The following ESRRG variants were observed in gnomAD, a reference collection of about 807,000 sequenced individuals.
ESRRG encodes estrogen-related receptor gamma.
Under a neutral mutation model 44.0 loss-of-function variants are expected in ESRRG, and 13 were observed. The observed-to-expected ratio is 0.30, with a 90% CI of 0.19 to 0.47. ESRRG has a LOEUF of 0.47. Ranked by LOEUF, ESRRG falls within the 20% of genes least tolerant of loss-of-function variation. ESRRG has a pLI of 1.00. For synonymous variants in ESRRG, 215 were observed against 214.6 expected (o/e 1.00, Z -0.02); for missense variants, 395 against 580.6 (o/e 0.68, Z 3.29).
chr1:216,768,639 G>A (rs559089838), intron 2 of ESRRG, among the ~76,000 whole-genome samples: 3 of 152,114 alleles, frequency 2.0e-5, no homozygotes, highest in East Asian at 1.9e-4. Flanking sequence ...ACTGGCATGC[G>A]CCACCACATC....
At chr1:216,825,999 G>T (rs957920893) in intron 2 of ESRRG, among the ~76,000 whole-genome samples, 1 of 152,084 alleles carries the variant, frequency 6.6e-6, no homozygotes, top group Admixed American at 6.6e-5. Context: ...GCATCAAGTT[G>T]GGAGTACAAA....
At chr1:216,997,521 C>T (rs528274505) in intron 1 of ESRRG, among the ~76,000 whole-genome samples, 1 of 152,174 alleles carries the variant, frequency 6.6e-6, no homozygotes, top group East Asian at 1.9e-4. Context: ...AGTCCCCAAC[C>T]TTTGATGTTT....
intron 1 of ESRRG, among the ~76,000 whole-genome samples, chr1:217,085,828 G>A (rs185441142): frequency 9.7e-4 from 147 of 151,990 alleles, no homozygotes; most frequent in African/African-American, 3.2e-3. Flanking sequence ...AGCACCACAC[G>A]CTCATCCACT....
chr1:217,038,502 C>T (rs1358536399), intron 1 of ESRRG, among the ~76,000 whole-genome samples: 1 of 152,194 alleles, frequency 6.6e-6, no homozygotes, highest in South Asian at 2.1e-4. Context: ...AATTGTAATC[C>T]TCATGGAACC....
chr1:216,721,144 C>T (rs536155877), intron 1 of ESRRG, among the ~76,000 whole-genome samples: 1 of 152,300 alleles, frequency 6.6e-6, no homozygotes, highest in East Asian at 1.9e-4. Flanking sequence ...TGTGCTGGCA[C>T]ATTTCCTAAA....
Position 217,011,373 on chromosome 1 carries a change from C to A in ESRRG, c.-105-71700G>T, listed in dbSNP as rs75451400. Among the ~76,000 whole-genome samples the A allele has an allele frequency of 5.0e-3, 768 of 152,274 alleles. 8 individuals carry two copies. The highest frequency in any genetic ancestry group is 0.017 in the African/African-American group (723 of 41,552). On this transcript the variant is annotated intron_variant, in intron 1 of 7. Coordinates refer to the ESRRG transcript ENST00000359162. Reference sequence around the variant, plus strand: ...TGGTGGACACTACAATGCTAGAAACCAAGGCTGGCCTTCCTTGGAGCTAGT... The same window carrying A: ...TGGTGGACACTACAATGCTAGAAACAAAGGCTGGCCTTCCTTGGAGCTAGT...
At chr1:217,125,254 A>C (rs2092874588) in intron 1 of ESRRG, among the ~76,000 whole-genome samples, 1 of 152,178 alleles carries the variant, frequency 6.6e-6, no homozygotes, top group Admixed American at 6.5e-5. Context: ...ATTTCACTGG[A>C]GTATCCTGTA....
At chr1:216,936,986 T>TC (rs950535223) in intron 2 of ESRRG, among the ~76,000 whole-genome samples, 242 of 151,978 alleles carry the variant, frequency 1.6e-3, no homozygotes, top group African/African-American at 5.6e-3. Flanking sequence ...TCCTGAAACA[T>TC]CCCCCCTGCA....
chr1:216,528,516 A>G (rs945865097), intron 5 of ESRRG, among the ~76,000 whole-genome samples: 3 of 152,186 alleles, frequency 2.0e-5, no homozygotes, highest in African/African-American at 7.2e-5. Context: ...CAATATGTAT[A>G]CATTTATGTT....
intron 5 of ESRRG, among the ~76,000 whole-genome samples, chr1:216,559,708 T>C (rs1454265265): frequency 6.6e-6 from 1 of 152,244 alleles, no homozygotes; most frequent in African/African-American, 2.4e-5. Flanking sequence ...GGTGCTACTA[T>C]TTTAAGATGG....
At chr1:216,614,373 T>C (rs1163217233) in intron 3 of ESRRG, among the ~76,000 whole-genome samples, 3 of 152,154 alleles carry the variant, frequency 2.0e-5, no homozygotes, top group Non-Finnish European at 2.9e-5. Context: ...ATACAGTGAT[T>C]GTACTAGAGT....
At chr1:216,986,308 G>A (rs916225289) in intron 1 of ESRRG, among the ~76,000 whole-genome samples, 4 of 152,054 alleles carry the variant, frequency 2.6e-5, no homozygotes, top group African/African-American at 7.2e-5. Flanking sequence ...TTGTAGGAAC[G>A]CTTCTACCAC....
chr1:216,525,705 C>T (rs2047448991), intron 5 of ESRRG, among the ~76,000 whole-genome samples: 1 of 152,032 alleles, frequency 6.6e-6, no homozygotes, highest in South Asian at 2.1e-4. Flanking sequence ...TTCAGTCTAA[C>T]TTTGGGATTA....
At chr1:216,631,746 G>T (rs182270387) in intron 3 of ESRRG, among the ~76,000 whole-genome samples, 1 of 151,888 alleles carries the variant, frequency 6.6e-6, no homozygotes, top group Non-Finnish European at 1.5e-5. Context: ...ACAAATACAG[G>T]TACACACACA....
chr1:216,743,623 T>C (rs1365024826), intron 2 of ESRRG, among the ~76,000 whole-genome samples: 2 of 152,076 alleles, frequency 1.3e-5, no homozygotes, highest in Non-Finnish European at 2.9e-5. Flanking sequence ...AGCCACTAAG[T>C]GCTCTCACCA....
At chr1:216,752,937 A>G (rs1479374415) in intron 2 of ESRRG, among the ~76,000 whole-genome samples, 3 of 152,048 alleles carry the variant, frequency 2.0e-5, no homozygotes, top group African/African-American at 7.2e-5. Flanking sequence ...TTCAAGAAGA[A>G]TATTTTGCTG....
At chr1:216,853,985 C>T (rs1184960263) in intron 2 of ESRRG, among the ~76,000 whole-genome samples, 8 of 152,014 alleles carry the variant, frequency 5.3e-5, no homozygotes, top group Admixed American at 2.6e-4. Flanking sequence ...GAGCATGAGC[C>T]CAGACACAAT....
At chr1:217,083,613 A>G (rs1262758326) in intron 1 of ESRRG, among the ~76,000 whole-genome samples, 1 of 152,202 alleles carries the variant, frequency 6.6e-6, no homozygotes, top group Non-Finnish European at 1.5e-5. Flanking sequence ...TTAGCTGAGG[A>G]CTGACATCTG....
chr1:217,129,617 G>A (rs180875267), intron 1 of ESRRG, among the ~76,000 whole-genome samples: 471 of 152,262 alleles, frequency 3.1e-3, no homozygotes, highest in African/African-American at 0.011. Flanking sequence ...GCGATAAAGA[G>A]GGATGAAGAA....
Sources: allele counts gnomAD v4.1 joint callset (sites outside exome capture counted in the v4.1 genomes callset), GRCh38; gene constraint gnomAD v4.1.1; transcripts MANE v1.5; gene names NCBI Gene and HGNC (gene_info 2026-07-23, HGNC 2026-07-21).